STK32B: variants seen among roughly 807,000 people sequenced by gnomAD.
The protein encoded by STK32B is serine/threonine kinase 32B, also known as serine/threonine-protein kinase 32B.
STK32B carries 43 observed loss-of-function variants against 52.6 expected under a neutral mutation model. The observed-to-expected ratio is 0.82, with a 90% CI of 0.64 to 1.05. The LOEUF (loss-of-function observed/expected upper bound fraction) is 1.05, where lower values mean the gene tolerates loss of function less well. STK32B is among the 50% of genes least tolerant of loss of function. STK32B has a pLI of 0.00. For missense variants in STK32B, 621 were observed against 534.6 expected (o/e 1.16, Z -1.59); for synonymous variants, 238 against 204.3 (o/e 1.17, Z -1.41).
chr4:5,238,580 C>T (rs996781266), intron 3 of STK32B, among the ~76,000 whole-genome samples: 4 of 152,190 alleles, frequency 2.6e-5, no homozygotes, highest in Non-Finnish European at 5.9e-5. Context: ...TAAGTGACAT[C>T]CTCTTAAAGG....
chr4:5,332,955 T>C (rs1732375189), intron 4 of STK32B, among the ~76,000 whole-genome samples: 1 of 152,160 alleles, frequency 6.6e-6, no homozygotes. Context: ...GCAATAAACA[T>C]AAGTGTGCAT....
chr4:5,028,618 A>G, the STK32B span, among the ~76,000 whole-genome samples: 1 of 152,196 alleles, frequency 6.6e-6, no homozygotes, highest in East Asian at 1.9e-4. Context: ...AGAGATTATG[A>G]AAAGCAATTC....
chr4:5,298,292 C>T (rs1729337395), intron 3 of STK32B, among the ~76,000 whole-genome samples: 1 of 152,178 alleles, frequency 6.6e-6, no homozygotes, highest in Non-Finnish European at 1.5e-5. Context: ...GCAGTCTGTT[C>T]CTTAGGAGAG....
At chr4:5,079,519 C>G (rs1577054211) in intron 1 of STK32B, among the ~76,000 whole-genome samples, 1 of 152,242 alleles carries the variant, frequency 6.6e-6, no homozygotes, top group East Asian at 1.9e-4. Flanking sequence ...ATTCTTGTTG[C>G]TTAGAGAGTT....
chr4:5,275,527 G>A (rs111535077), intron 3 of STK32B, among the ~76,000 whole-genome samples: 150 of 152,114 alleles, frequency 9.9e-4, no homozygotes, highest in African/African-American at 3.2e-3. Flanking sequence ...ATCGTTTCCC[G>A]TCTTCACCAT....
At position 5,399,289 on chromosome 4, in the gene STK32B, C is replaced by T. The variant is rs942256865; in HGVS notation, c.472+1045C>T. Among the ~76,000 whole-genome samples the T allele has an allele frequency of 5.9e-5, 9 of 152,164 alleles. No individual in the cohort carries two copies. Among genetic ancestry groups the T allele is most frequent in the South Asian group, 2.1e-4 (1 of 4,834 alleles). On this transcript the variant is annotated intron_variant, in intron 5 of 11. Coordinates refer to ENST00000282908, the MANE Select transcript of STK32B (RefSeq NM_018401.3). This position sits in a 1 kb window ranked among gnomAD's most constrained non-coding sequence, Gnocchi z 5.4. ...AGGGATGAATGAGTCACATTTTCTA[C>T]GCAGCTCCCCCACCCTCCTTCCCCA... is the stretch of plus-strand genomic sequence containing the variant.
chr4:5,116,960 G>T (rs1431851724), intron 1 of STK32B, among the ~76,000 whole-genome samples: 1 of 152,112 alleles, frequency 6.6e-6, no homozygotes, highest in East Asian at 1.9e-4. Flanking sequence ...TTGTTAGTGT[G>T]TAGAAAAACA....
At chr4:5,076,009 G>A (rs549015706) in intron 1 of STK32B, among the ~76,000 whole-genome samples, 3 of 152,324 alleles carry the variant, frequency 2.0e-5, no homozygotes, top group East Asian at 3.9e-4. Context: ...CCTGGCTGGA[G>A]ATGCTGAATT....
intron 1 of STK32B, among the ~76,000 whole-genome samples, chr4:5,088,849 A>G (rs1427472780): frequency 6.6e-6 from 1 of 151,860 alleles, no homozygotes. Context: ...GACAAGGAAG[A>G]TCTCAAATCA....
chr4:5,096,148 G>A (rs181242909), intron 1 of STK32B, among the ~76,000 whole-genome samples: 44 of 152,244 alleles, frequency 2.9e-4, no homozygotes, highest in African/African-American at 1.0e-3. Flanking sequence ...TCCACAGGGA[G>A]CATGTGCTGT....
Position 5,181,251 on chromosome 4 carries a change from C to A in STK32B, c.260+12801C>A, listed in dbSNP as rs942721652. 2.0e-5 allele frequency among the ~76,000 whole-genome samples: 3 copies of A among 151,474 alleles called. No individual in the cohort carries two copies. The Admixed American group carries it at 2.0e-4, about 10-fold the overall frequency. On this transcript the variant is annotated intron_variant, in intron 3 of 11. Coordinates refer to ENST00000282908, the MANE Select transcript of STK32B (RefSeq NM_018401.3). ...CAGGATCTGTAAGAGGTAATTACAG[C>A]TGAATGAAGTCATAACAGTGAGGCA...
At position 5,209,143 on chromosome 4, in the gene STK32B, A is replaced by G. The variant is rs554753996; in HGVS notation, c.260+40693A>G. Among the ~76,000 whole-genome samples, 23 of 152,326 alleles carry G rather than the reference A, an allele frequency of 1.5e-4. No homozygotes were observed. In the South Asian group the frequency reaches 4.8e-3, roughly 32 times the overall value. On this transcript the variant is annotated intron_variant, in intron 3 of 11. Coordinates refer to ENST00000282908, the MANE Select transcript of STK32B (RefSeq NM_018401.3). ...AGGTAACAGAAAATTGTGAGTATGG[A>G]CTAACATATTAACAGTAGGGTGGGT...
At chr4:5,143,484 T>C (rs554361881) in intron 2 of STK32B, among the ~76,000 whole-genome samples, 4 of 152,256 alleles carry the variant, frequency 2.6e-5, no homozygotes, top group African/African-American at 9.6e-5. Context: ...TCACACTTCC[T>C]TGTGGGTCAG....
chr4:5,116,677 T>C (rs1341878467), intron 1 of STK32B, among the ~76,000 whole-genome samples: 1 of 152,218 alleles, frequency 6.6e-6, no homozygotes, highest in Non-Finnish European at 1.5e-5. Context: ...TCTATTTCTG[T>C]GAACATTTTT....
At position 5,281,365 on chromosome 4, in the gene STK32B, C is replaced by T. The variant is rs140507760; in HGVS notation, c.261-49855C>T. On this transcript the variant is annotated intron_variant, in intron 3 of 11. Transcript: ENST00000282908. Reference sequence around the variant, plus strand: ...AGCAGAAAACTGAACACTGCATGTTCTCACTCGTAAGTGGTAGTTGAACAA... The same window carrying T: ...AGCAGAAAACTGAACACTGCATGTTTTCACTCGTAAGTGGTAGTTGAACAA... Among the ~76,000 whole-genome samples, 861 of 152,254 alleles carry T rather than the reference C, an allele frequency of 5.7e-3. 10 individuals are homozygous for T. The highest frequency in any genetic ancestry group is 3.9e-3 in the Non-Finnish European group (265 of 68,022).
intron 4 of STK32B, among the ~76,000 whole-genome samples, chr4:5,366,355 A>C (rs1051680281): frequency 2.0e-5 from 3 of 152,218 alleles, no homozygotes; most frequent in African/African-American, 4.8e-5. Context: ...GGGTTTGACA[A>C]GGAGGAAAAA....
chr4:5,108,358 T>C (rs1045828873), intron 1 of STK32B, among the ~76,000 whole-genome samples: 1 of 152,170 alleles, frequency 6.6e-6, no homozygotes, highest in Non-Finnish European at 1.5e-5. Flanking sequence ...CTACAGTTTT[T>C]TGGATATTCA....
In STK32B at chr4:5,395,411, C is replaced by A. The variant is rs1471824908; in HGVS notation, c.435-2796C>A. ...TGCTCACTACATGATGCACAGCTGG[C>A]CTTTTCTTGCTATTCAGATGTCAAC... On this transcript the variant is annotated intron_variant, in intron 4 of 11. Coordinates refer to ENST00000282908, the MANE Select transcript of STK32B (RefSeq NM_018401.3). This position sits in a 1 kb window ranked among gnomAD's most constrained non-coding sequence, Gnocchi z 4.4. Among the ~76,000 whole-genome samples the A allele has an allele frequency of 1.3e-5, 2 of 152,226 alleles. No individual in the cohort carries two copies. Among genetic ancestry groups the A allele is most frequent in the Admixed American group, 1.3e-4 (2 of 15,288 alleles).
intron 4 of STK32B, among the ~76,000 whole-genome samples, chr4:5,333,761 A>T (rs1577360102): frequency 1.3e-5 from 2 of 152,022 alleles, no homozygotes; most frequent in South Asian, 4.1e-4. Flanking sequence ...TGTTTTTCTC[A>T]GGTTTGTCAA....
Sources: allele counts gnomAD v4.1 joint callset (sites outside exome capture counted in the v4.1 genomes callset), GRCh38; gene constraint gnomAD v4.1.1; non-coding constraint Gnocchi (gnomAD v3.1); transcripts MANE v1.5; gene names NCBI Gene and HGNC (gene_info 2026-07-23, HGNC 2026-07-21).